Variants in CDK12 observed in about 807,000 individuals in gnomAD.
CDK12 encodes the protein cyclin-dependent kinase 12.
A neutral mutation model predicts 133.8 loss-of-function variants in CDK12; 17 were observed. The observed-to-expected ratio is 0.13, with a 90% CI of 0.09 to 0.19. The LOEUF (loss-of-function observed/expected upper bound fraction) is 0.19. Ranked by LOEUF, CDK12 falls within the 10% of genes least tolerant of loss-of-function variation. The pLI, the probability that CDK12 is intolerant of heterozygous loss-of-function variation, is 1.00. For synonymous variants in CDK12, 694 were observed against 683.6 expected (o/e 1.02, Z -0.24); for missense variants, 1,508 against 1,818.7 (o/e 0.83, Z 3.11).
chr17:39,502,196 A>G lies in CDK12; in HGVS notation c.2609+757A>G, dbSNP rs188632609. 9.8e-4 allele frequency among the ~76,000 whole-genome samples: 149 copies of G among 151,640 alleles called. 1 individual carries two copies. The highest frequency in any genetic ancestry group is 3.4e-3 in the African/African-American group (141 of 41,332). On this transcript the variant is annotated intron_variant, in intron 6 of 13. Transcript: ENST00000447079. ...GAAACGGAGTCTTGCTCTGTCGCCC[A>G]GGCTGGAGTGCAGTGGCGCGATCTC...
chr17:39,530,532 AGT>A (rs1041292748), intron 13 of CDK12, 70 bp from the exon 14 acceptor site: 2 of 1,505,340 alleles, frequency 1.3e-6, no homozygotes, highest in African/African-American at 1.4e-5. Context: ...TATGTTGCAC[AGT>A]GTGTGTGTTT....
chr17:39,477,327 C>T (rs575452958), intron 2 of CDK12, among the ~76,000 whole-genome samples: 40 of 152,204 alleles, frequency 2.6e-4, no homozygotes, highest in African/African-American at 9.6e-4. Context: ...CCTCCACCTC[C>T]TGGGTTCAAG....
intron 3 of CDK12, among the ~76,000 whole-genome samples, chr17:39,558,358 C>T (rs1425476251): frequency 6.6e-6 from 1 of 152,206 alleles, no homozygotes; most frequent in Non-Finnish European, 1.5e-5. Context: ...ATAGCAGCAA[C>T]TAGCATTTGC....
intron 13 of CDK12, chr17:39,529,847 GAC>G (rs1446577505): frequency 7.4e-6 from 1 of 134,262 alleles, no homozygotes; most frequent in Non-Finnish European, 1.6e-5. Flanking sequence ...CATTCTGCAT[GAC>G]ACTGCTATAG....
downstream of CDK12, among the ~76,000 whole-genome samples, chr17:39,536,008 T>C (rs147669421): frequency 6.6e-6 from 1 of 152,268 alleles, no homozygotes; most frequent in Admixed American, 6.5e-5. Context: ...TTAATTTTAC[T>C]GTCCAGGTGT....
At chr17:39,535,543 A>G (rs2055094335), downstream of CDK12, among the ~76,000 whole-genome samples, 1 of 152,160 alleles carries the variant, frequency 6.6e-6, no homozygotes, top group Non-Finnish European at 1.5e-5. Context: ...AACCTACTAG[A>G]AAATACTGTT....
At chr17:39,526,433 C>T in intron 13 of CDK12, 117 bp downstream of exon 13, 1 of 736,548 alleles carries the variant, frequency 1.4e-6, no homozygotes, top group Non-Finnish European at 2.2e-6. Context: ...ATTCTGTAAC[C>T]TAGTCTACAG....
In CDK12 at chr17:39,471,265, C is replaced by T; in HGVS notation, c.1433C>T (p.Thr478Ile). 1 of 1,611,940 alleles carries T rather than the reference C, an allele frequency of 6.2e-7. No individual in the cohort carries two copies. Among genetic ancestry groups the T allele is most frequent in the Non-Finnish European group, 8.5e-7 (1 of 1,179,412 alleles). Residue 478 changes from threonine to isoleucine, a missense_variant, in exon 2 of 14, where the codon ACA becomes ATA. Coordinates refer to ENST00000447079, the MANE Select transcript of CDK12 (RefSeq NM_016507.4). ...ACAGAGGTAAAAAATTCTTCAGATA[C>T]AGGGAAAGTAAAGTTGGATGAGAAC... ...LNTEVKNSSD[T>I]GKVKLDENSE...
intron 2 of CDK12, among the ~76,000 whole-genome samples, chr17:39,480,872 C>T (rs940038780): frequency 3.9e-5 from 6 of 152,190 alleles, no homozygotes; most frequent in Non-Finnish European, 7.3e-5. Flanking sequence ...AGGCAGCCCA[C>T]GTCCAACATA....
chr17:39,502,524 T>A (rs1236626602), intron 6 of CDK12, among the ~76,000 whole-genome samples: 1 of 152,218 alleles, frequency 6.6e-6, no homozygotes, highest in East Asian at 1.9e-4. Context: ...CCCCTCTTTA[T>A]GGTGTAGAAT....
At chr17:39,485,791 G>C (rs1011200002) in intron 2 of CDK12, among the ~76,000 whole-genome samples, 1 of 151,612 alleles carries the variant, frequency 6.6e-6, no homozygotes, top group Admixed American at 6.6e-5. Flanking sequence ...GTAGTGGGTA[G>C]ATCACTTGAG....
At chr17:39,540,682 C>A (rs1053867712) in intron 1 of CDK12, among the ~76,000 whole-genome samples, 1 of 152,172 alleles carries the variant, frequency 6.6e-6, no homozygotes, top group African/African-American at 2.4e-5. Flanking sequence ...TCATTTGTAT[C>A]TCTGATTCCT....
chr17:39,494,749 CT>C (rs1271400487), intron 5 of CDK12, 55 bp downstream of exon 5: 16,157 of 726,566 alleles, frequency 0.022, no homozygotes, highest in South Asian at 0.026. Context: ...CTTTGCCTTT[CT>C]TTTTTTTTTT....
At position 39,490,653 on chromosome 17, in the gene CDK12, T is replaced by G; in HGVS notation, c.2028T>G (p.Pro676=). 1 of 1,612,568 alleles carries G rather than the reference T, an allele frequency of 6.2e-7. No individual in the cohort carries two copies. Among genetic ancestry groups the G allele is most frequent in the South Asian group, 1.1e-5 (1 of 91,056 alleles). Residue 676 remains proline, a synonymous_variant, in exon 3 of 14, where the codon CCT becomes CCG. Coordinates refer to ENST00000447079, the MANE Select transcript of CDK12 (RefSeq NM_016507.4). The part of the protein sequence containing the change: ...LTDLPLPPEL[P]GGDLSPPDSP... ...ACCTTCCTCTCCCTCCAGAGCTCCCTGGTGGAGATCTGTCTCCCCCAGACT... is the reference window on the plus strand; with the variant it reads ...ACCTTCCTCTCCCTCCAGAGCTCCCGGGTGGAGATCTGTCTCCCCCAGACT...
At chr17:39,517,869 T>C (rs1476262699) in intron 10 of CDK12, among the ~76,000 whole-genome samples, 3 of 152,296 alleles carry the variant, frequency 2.0e-5, no homozygotes, top group East Asian at 1.9e-4. Context: ...GTTTTTTAAA[T>C]TGAGACAGGG....
At chr17:39,480,505 G>A (rs187169651) in intron 2 of CDK12, among the ~76,000 whole-genome samples, 3 of 151,956 alleles carry the variant, frequency 2.0e-5, no homozygotes, top group Admixed American at 1.3e-4. Context: ...GCAATGGTGC[G>A]ATCTCAGCTC....
intron 3 of CDK12, among the ~76,000 whole-genome samples, chr17:39,559,471 T>TAA (rs2056287166): frequency 6.6e-6 from 1 of 152,196 alleles, no homozygotes; most frequent in Non-Finnish European, 1.5e-5. Context: ...CCCTTTTATA[T>TAA]TCACACCTCC....
intron 6 of CDK12, among the ~76,000 whole-genome samples, chr17:39,504,879 C>CAAAA (rs141083545): frequency 0.58 from 24,546 of 42,174 alleles, 8,200 homozygotes; most frequent in South Asian, 0.81. Context: ...GACCCTGTCT[C>CAAAA]AAAAAAAAAA....
At chr17:39,521,093 C>T (rs1201549985) in intron 11 of CDK12, among the ~76,000 whole-genome samples, 1 of 152,064 alleles carries the variant, frequency 6.6e-6, no homozygotes, top group East Asian at 1.9e-4. Context: ...GATCTGCCCA[C>T]CTCGGCCTCC....
Sources: allele counts gnomAD v4.1 joint callset (sites outside exome capture counted in the v4.1 genomes callset), GRCh38; gene constraint gnomAD v4.1.1; transcripts MANE v1.5; gene names NCBI Gene and HGNC (gene_info 2026-07-23, HGNC 2026-07-21).